The following OTULIN variants were observed in gnomAD, a reference collection of about 807,000 sequenced individuals.
The protein encoded by OTULIN is ubiquitin thioesterase otulin.
A neutral mutation model predicts 39.6 loss-of-function variants in OTULIN; 15 were observed. The ratio of observed to expected loss-of-function variants is 0.38; its 90% confidence interval spans 0.25 to 0.58. The LOEUF (loss-of-function observed/expected upper bound fraction) is 0.58. Ranked by LOEUF, OTULIN falls within the 20% of genes least tolerant of loss-of-function variation. The pLI is 0.66. For synonymous variants in OTULIN, 156 were observed against 170.3 expected (o/e 0.92, Z 0.65); for missense variants, 319 against 445.9 (o/e 0.72, Z 2.56).
chr5:14,679,971 G>C, intron 3 of OTULIN, among the ~76,000 whole-genome samples: 1 of 152,188 alleles, frequency 6.6e-6, no homozygotes, highest in Non-Finnish European at 1.5e-5. Context: ...AGTAATTAGA[G>C]CATCTCAGAT....
chr5:14,707,908 G>A, the OTULIN span: 1 of 152,114 alleles, frequency 6.6e-6, no homozygotes, highest in Non-Finnish European at 1.5e-5. Context: ...GCAGTCATGG[G>A]GGATGACTGT....
chr5:14,674,041 T>C (rs1182530946), intron 2 of OTULIN: 1 of 175,434 alleles, frequency 5.7e-6, no homozygotes, highest in African/African-American at 2.4e-5. Context: ...TTGAAGTGCA[T>C]TTTTCATTTC....
chr5:14,692,690 T>A (rs1376167025), intron 6 of OTULIN, among the ~76,000 whole-genome samples, 164 bp from the exon 7 acceptor site: 1 of 151,818 alleles, frequency 6.6e-6, no homozygotes, highest in Non-Finnish European at 1.5e-5. Flanking sequence ...TTTTTTTTTT[T>A]TTTTATTTAA....
intron 2 of OTULIN, among the ~76,000 whole-genome samples, chr5:14,675,026 C>T (rs1326881164): frequency 2.0e-5 from 3 of 152,208 alleles, no homozygotes; most frequent in African/African-American, 7.2e-5. Context: ...AATGATTTCT[C>T]ATTGAAATTC....
chr5:14,700,791 T>A (rs777221339), downstream of OTULIN, among the ~76,000 whole-genome samples: 1 of 152,110 alleles, frequency 6.6e-6, no homozygotes, highest in Non-Finnish European at 1.5e-5. Context: ...TTTGGCTGTT[T>A]AAGACATAAT....
intron 3 of OTULIN, among the ~76,000 whole-genome samples, chr5:14,679,269 A>G (rs1026733488): frequency 6.6e-6 from 1 of 152,144 alleles, no homozygotes; most frequent in African/African-American, 2.4e-5. Context: ...GTGGGATGAC[A>G]TTGGAGATTC....
At chr5:14,672,839 T>G (rs1277788321) in intron 1 of OTULIN, among the ~76,000 whole-genome samples, 1 of 152,210 alleles carries the variant, frequency 6.6e-6, no homozygotes, top group East Asian at 1.9e-4. Flanking sequence ...GTCTTCTGGT[T>G]TCATGAAAGA....
intron 5 of OTULIN, 49 bp from the exon 6 acceptor site, chr5:14,689,990 G>C: frequency 1.3e-6 from 2 of 1,574,940 alleles, no homozygotes; most frequent in Non-Finnish European, 1.7e-6. Context: ...ACTATACCAG[G>C]GATTTTTAGA....
At chr5:14,711,235 C>G in the OTULIN span, 4 of 1,614,162 alleles carry the variant, frequency 2.5e-6, no homozygotes, top group Non-Finnish European at 2.5e-6. Context: ...ATGTCTGTCA[C>G]CTCCTCTGTC....
rs1736197010 is a variant in OTULIN, at chr5:14,679,703, T to C, written c.324+928T>C. The stretch of plus-strand genomic sequence containing the variant: ...TTTATAGAAAATGATTGCTCATCTT[T>C]CAGCATGTACCTCAGCTGCCCATGG... On this transcript the variant is annotated intron_variant, in intron 3 of 6. Coordinates refer to ENST00000284274, the MANE Select transcript of OTULIN (RefSeq NM_138348.6). Among the ~76,000 whole-genome samples the C allele has an allele frequency of 3.3e-5, 5 of 152,222 alleles. No individual in the cohort carries two copies. The South Asian group carries it at 1.0e-3, about 32-fold the overall frequency.
At chr5:14,711,115 A>G in the OTULIN span, 1 of 1,241,140 alleles carries the variant, frequency 8.1e-7, no homozygotes, top group Non-Finnish European at 1.2e-6. Context: ...AAAGGGAACA[A>G]AATACGATGG....
At chr5:14,709,859 G>A in the OTULIN span, 45 of 152,728 alleles carry the variant, frequency 2.9e-4, no homozygotes, top group East Asian at 6.4e-3. Context: ...AATAGGAAAT[G>A]TATTATAGCC....
chr5:14,704,053 C>A (rs563765200), downstream of OTULIN, among the ~76,000 whole-genome samples: 1 of 152,006 alleles, frequency 6.6e-6, no homozygotes, highest in Non-Finnish European at 1.5e-5. Flanking sequence ...TGATGCTGGC[C>A]GGGCGTGGTG....
chr5:14,702,924 C>T (rs1465799602), downstream of OTULIN, among the ~76,000 whole-genome samples: 3 of 152,168 alleles, frequency 2.0e-5, no homozygotes, highest in South Asian at 2.1e-4. Context: ...CAGTAATGTT[C>T]ATGGATTTGT....
chr5:14,677,456 C>T (rs1252225627), intron 2 of OTULIN, among the ~76,000 whole-genome samples: 10 of 152,166 alleles, frequency 6.6e-5, no homozygotes, highest in African/African-American at 1.9e-4. Flanking sequence ...CTAGCATCTA[C>T]GTCTTCAGTA....
rs1736752156 is a variant in OTULIN at position 14,699,453 on chromosome 5, C to T, written c.*6405C>T. On this transcript the variant is annotated 3_prime_UTR_variant, in exon 7 of 7. Transcript: ENST00000284274. ...TCGGTCATGTGCAGCAGAAAGACCT[C>T]CCCACTGTGAACAACAAACCACTTT... 2.6e-5 allele frequency: 4 copies of T among 152,242 alleles called. No individual in the cohort carries two copies. The highest frequency in any genetic ancestry group is 9.6e-5 in the African/African-American group (4 of 41,456). The allele number at this position is 152,242 out of a possible 1,614,324, so 9.4% of individuals were successfully genotyped here.
the OTULIN span, chr5:14,711,383 A>T: frequency 4.8e-5 from 64 of 1,341,270 alleles, no homozygotes; most frequent in South Asian, 6.7e-4. Flanking sequence ...GAGCAGGGAG[A>T]CAACACCGGG....
intron 1 of OTULIN, 54 bp from the exon 2 acceptor site, chr5:14,673,588 G>A (rs1342824536): frequency 1.6e-5 from 25 of 1,537,758 alleles, no homozygotes; most frequent in South Asian, 1.5e-4. Flanking sequence ...ATAATAGGAC[G>A]GAAAATGTCA....
In OTULIN at chr5:14,664,764, C is replaced by T. The variant is rs1735782047; in HGVS notation, c.-62C>T. On this transcript the variant is annotated 5_prime_UTR_variant, in exon 1 of 7. Coordinates refer to ENST00000284274, the MANE Select transcript of OTULIN (RefSeq NM_138348.6). ...GAGGCTGCGGCCACTGCCTGGCACC[C>T]CGACGGGAGGGGCTCCGGATCGTTC... The T allele has an allele frequency of 2.7e-6, 3 of 1,111,488 alleles. No homozygotes were observed. The African/African-American group carries it at 5.0e-5, about 19-fold the overall frequency. The allele number at this position is 1,111,488 out of a possible 1,614,324, so 68.9% of individuals were successfully genotyped here.
Sources: allele counts gnomAD v4.1 joint callset (sites outside exome capture counted in the v4.1 genomes callset), GRCh38; gene constraint gnomAD v4.1.1; transcripts MANE v1.5; gene names NCBI Gene and HGNC (gene_info 2026-07-23, HGNC 2026-07-21).